The following CCSER1 variants were observed in gnomAD, a reference collection of about 807,000 sequenced individuals.
The protein encoded by CCSER1 is serine-rich coiled-coil domain-containing protein 1.
A neutral mutation model predicts 82.0 loss-of-function variants in CCSER1; 41 were observed. The ratio of observed to expected loss-of-function variants is 0.50; its 90% confidence interval spans 0.39 to 0.65. CCSER1 has a LOEUF of 0.65. Among genes scored for constraint, CCSER1 ranks in the 30% least tolerant of loss-of-function variants. The pLI is 0.00. For missense variants in CCSER1, 1,119 were observed against 1,064.2 expected (o/e 1.05, Z -0.72); for synonymous variants, 414 against 383.9 (o/e 1.08, Z -0.92).
chr4:90,174,910 T>G (rs968038675), intron 1 of CCSER1, among the ~76,000 whole-genome samples: 8 of 152,016 alleles, frequency 5.3e-5, no homozygotes, highest in African/African-American at 1.9e-4. Context: ...GGTGGGAATG[T>G]AAAATGGTGC....
In CCSER1 at chr4:90,766,395, A is replaced by G. The variant is rs1443581753; in HGVS notation, c.2010+42404A>G. The stretch of plus-strand genomic sequence containing the variant: ...CACCAGGTGCAACTAAATAAAGAGA[A>G]GTAAAATATCTGAATGCTCACCCAG... On this transcript the variant is annotated intron_variant, in intron 7 of 10. Coordinates refer to ENST00000509176, the MANE Select transcript of CCSER1 (RefSeq NM_001145065.2). Among the ~76,000 whole-genome samples, 5 of 152,322 alleles carry G rather than the reference A, an allele frequency of 3.3e-5. No homozygotes were observed. In the East Asian group the frequency reaches 5.8e-4, roughly 18 times the overall value.
chr4:91,474,743 GCACA>G lies in CCSER1; in HGVS notation c.2218-123816_2218-123813del, dbSNP rs10538837. ...TTTAGGCACACATGTATACATACATGCACACACACACACACATGTGTGTGTATAT... is the reference window on the plus strand; with the variant it reads ...TTTAGGCACACATGTATACATACATGCACACACACACATGTGTGTGTATAT... On this transcript the variant is annotated intron_variant, in intron 10 of 10. Coordinates refer to ENST00000509176, the MANE Select transcript of CCSER1 (RefSeq NM_001145065.2). Among the ~76,000 whole-genome samples, 59 of 138,510 alleles carry G rather than the reference GCACA, an allele frequency of 4.3e-4. No individual in the cohort carries two copies. The Middle Eastern group carries it at 0.012, about 28-fold the overall frequency. 90.9% of individuals were successfully genotyped at this position (138,510 alleles called of 152,430 possible). A position where few individuals can be genotyped will look rare whatever the true frequency, so the allele number is the denominator to read the frequency against.
chr4:90,543,866 A>G (rs1776412991), intron 5 of CCSER1, among the ~76,000 whole-genome samples: 1 of 152,160 alleles, frequency 6.6e-6, no homozygotes, highest in Admixed American at 6.6e-5. Context: ...AGATATAGTT[A>G]GGATTAGTAT....
At chr4:90,426,511 A>T (rs1757548984) in intron 4 of CCSER1, among the ~76,000 whole-genome samples, 1 of 152,180 alleles carries the variant, frequency 6.6e-6, no homozygotes, top group Non-Finnish European at 1.5e-5. Context: ...GCAGGAATCA[A>T]TATAGGGAAA....
Position 91,518,513 on chromosome 4 carries a change from C to T in CCSER1, c.2218-80059C>T, listed in dbSNP as rs1760273930. 2.0e-5 allele frequency among the ~76,000 whole-genome samples: 3 copies of T among 152,230 alleles called. 1 individual carries two copies. In the South Asian group the frequency reaches 6.2e-4, roughly 32 times the overall value. On this transcript the variant is annotated intron_variant, in intron 10 of 10. Transcript: ENST00000509176. The stretch of plus-strand genomic sequence containing the variant: ...GTGTTTTTGGTTGCCCTGGTAGCTC[C>T]ACCTCCAAGAAACGTGGAGCTGCTC...
At chr4:90,757,934 T>C (rs897448152) in intron 7 of CCSER1, among the ~76,000 whole-genome samples, 2 of 93,068 alleles carry the variant, frequency 2.1e-5, no homozygotes, top group South Asian at 4.1e-4. Flanking sequence ...TTTCCTTTTC[T>C]TTTTTTTTTT....
chr4:90,332,099 A>G (rs1326543928), intron 3 of CCSER1, among the ~76,000 whole-genome samples: 1 of 152,142 alleles, frequency 6.6e-6, no homozygotes, highest in Non-Finnish European at 1.5e-5. Context: ...TAAATTAGGT[A>G]TTGCTTCTTC....
Position 90,426,757 on chromosome 4 carries a change from ACT to A in CCSER1, c.1603+26631_1603+26632del, listed in dbSNP as rs535650255. ...AGAGTTTGTTCTTCACAATTATATG[ACT>A]CTATTCTCTATATCAGTAAAAGCCA... On this transcript the variant is annotated intron_variant, in intron 4 of 10. Transcript: ENST00000509176. Among the ~76,000 whole-genome samples, 538 of 152,212 alleles carry A rather than the reference ACT, an allele frequency of 3.5e-3. 4 individuals carry two copies. Among genetic ancestry groups the A allele is most frequent in the African/African-American group, 0.013 (521 of 41,564 alleles).
intron 1 of CCSER1, among the ~76,000 whole-genome samples, chr4:90,248,130 A>C (rs1432664165): frequency 6.6e-6 from 1 of 152,170 alleles, no homozygotes; most frequent in Non-Finnish European, 1.5e-5. Context: ...TCAAAGTTCT[A>C]TATATGCATG....
At chr4:90,861,086 A>G (rs920426804) in intron 8 of CCSER1, among the ~76,000 whole-genome samples, 2 of 151,728 alleles carry the variant, frequency 1.3e-5, no homozygotes, top group African/African-American at 4.8e-5. Flanking sequence ...ATGAATTAGG[A>G]TATGTGCCAT....
chr4:91,144,445 G>C (rs1729353667), intron 10 of CCSER1, among the ~76,000 whole-genome samples: 2 of 151,500 alleles, frequency 1.3e-5, no homozygotes, highest in Non-Finnish European at 2.9e-5. Context: ...ATGAATTTTT[G>C]GGTCTCAATT....
chr4:90,596,490 T>C (rs1783360941), intron 5 of CCSER1, among the ~76,000 whole-genome samples: 1 of 151,880 alleles, frequency 6.6e-6, no homozygotes, highest in African/African-American at 2.4e-5. Context: ...TGACTATATA[T>C]AGCTATAAAA....
chr4:91,527,796 T>C (rs1396155451), intron 10 of CCSER1, among the ~76,000 whole-genome samples: 1 of 152,192 alleles, frequency 6.6e-6, no homozygotes, highest in Non-Finnish European at 1.5e-5. Context: ...AGAAATTCAA[T>C]ACTGCAGGTA....
intron 8 of CCSER1, among the ~76,000 whole-genome samples, chr4:90,901,398 A>G (rs1032177675): frequency 6.6e-6 from 1 of 151,894 alleles, no homozygotes; most frequent in Non-Finnish European, 1.5e-5. Context: ...TGAATTTTGT[A>G]CTTATGGGTG....
rs536622315 is a variant in CCSER1 at position 91,324,851 on chromosome 4, T to C, written c.2217+238857T>C. On this transcript the variant is annotated intron_variant, in intron 10 of 10. Transcript: ENST00000509176. ...GGAAAGGCATGATTATGTTTTGAAA[T>C]ATGAGAAGGACATGGAATTTGGGAG... Among the ~76,000 whole-genome samples the C allele has an allele frequency of 3.3e-5, 5 of 152,220 alleles. No individual in the cohort carries two copies. In the South Asian group the frequency reaches 1.0e-3, roughly 32 times the overall value.
At chr4:90,531,474 G>C (rs964457411) in intron 5 of CCSER1, among the ~76,000 whole-genome samples, 7 of 148,628 alleles carry the variant, frequency 4.7e-5, no homozygotes, top group Admixed American at 1.3e-4. Context: ...ATTAGTTTGT[G>C]TGATTCTGAG....
At position 90,523,855 on chromosome 4, in the gene CCSER1, T is replaced by C. The variant is rs564760538; in HGVS notation, c.1724+55501T>C. On this transcript the variant is annotated intron_variant, in intron 5 of 10. Coordinates refer to ENST00000509176, the MANE Select transcript of CCSER1 (RefSeq NM_001145065.2). Reference sequence around the variant, plus strand: ...CACTATAAAATGCCAGTAATAATAATTATAGGCATATAACCATGAAATTAA... The same window carrying C: ...CACTATAAAATGCCAGTAATAATAACTATAGGCATATAACCATGAAATTAA... Among the ~76,000 whole-genome samples the C allele has an allele frequency of 5.9e-5, 9 of 152,228 alleles. No homozygotes were observed. The South Asian group carries it at 1.4e-3, about 25-fold the overall frequency.
intron 10 of CCSER1, among the ~76,000 whole-genome samples, chr4:91,308,718 A>AT (rs1745242913): frequency 1.3e-5 from 2 of 151,922 alleles, no homozygotes; most frequent in African/African-American, 4.8e-5. Context: ...TCATTAGCCT[A>AT]TTTTTTCAAA....
chr4:91,253,978 C>T (rs896170328), intron 10 of CCSER1, among the ~76,000 whole-genome samples: 2 of 152,188 alleles, frequency 1.3e-5, no homozygotes, highest in African/African-American at 4.8e-5. Context: ...ATGATCCAAT[C>T]ACCTCCCACC....
Sources: allele counts gnomAD v4.1 joint callset (sites outside exome capture counted in the v4.1 genomes callset), GRCh38; gene constraint gnomAD v4.1.1; transcripts MANE v1.5; gene names NCBI Gene and HGNC (gene_info 2026-07-23, HGNC 2026-07-21).